The following SYNJ1 variants were observed in gnomAD, a reference collection of about 807,000 sequenced individuals.
SYNJ1 encodes synaptojanin 1, also known as polyphosphatidylinositol phosphatase SYNJ1.
In SYNJ1, 78 loss-of-function variants were observed where a neutral mutation model predicts 168.2. The ratio of observed to expected loss-of-function variants is 0.46; its 90% CI spans 0.39 to 0.56. SYNJ1 has a LOEUF of 0.56. Among genes scored for constraint, SYNJ1 ranks in the 20% least tolerant of loss-of-function variants. SYNJ1 has a pLI of 0.00. For missense variants in SYNJ1, 1,303 were observed against 1,597.6 expected, an observed-to-expected ratio of 0.82 and a Z score of 3.14; for synonymous variants, 539 against 548.6, an observed-to-expected ratio of 0.98 and a Z score of 0.24.
chr21:32,710,265 T>C (rs1331265806), intron 2 of SYNJ1, among the ~76,000 whole-genome samples: 2 of 151,988 alleles, frequency 1.3e-5, no homozygotes, highest in South Asian at 2.1e-4. Flanking sequence ...GGTAGAAATA[T>C]AGAAAAACAA....
At chr21:32,710,148 C>T (rs1013703129) in intron 2 of SYNJ1, among the ~76,000 whole-genome samples, 26 of 151,672 alleles carry the variant, frequency 1.7e-4, no homozygotes, top group Non-Finnish European at 2.2e-4. Context: ...TGCAGTGAGC[C>T]GAGATTACAT....
chr21:32,660,893 A>G (rs988892241), intron 18 of SYNJ1, among the ~76,000 whole-genome samples: 10 of 152,206 alleles, frequency 6.6e-5, no homozygotes, highest in African/African-American at 2.4e-4. Context: ...GCAGTCATGC[A>G]CTGCAGGGGA....
chr21:32,653,718 T>A (rs845002), intron 21 of SYNJ1: 119,895 of 169,582 alleles, frequency 0.71, 42,526 homozygotes, highest in Admixed American at 0.72. Flanking sequence ...AAGGAGAATA[T>A]GTTACAGGGC....
intron 2 of SYNJ1, among the ~76,000 whole-genome samples, chr21:32,717,229 G>C (rs919325386): frequency 1.1e-4 from 16 of 152,152 alleles, no homozygotes; most frequent in Non-Finnish European, 2.1e-4. Context: ...AAAGTGCTGG[G>C]ATTAACAGTG....
rs372624548 is a variant in SYNJ1 at position 32,694,216 on chromosome 21, T to C, written c.789+12A>G. ...TTCAAAAAACAAAAATAACTGAATG[T>C]CAAACACATACTTGCAACCCTGGTT... is the stretch of plus-strand genomic sequence containing the variant. On this transcript the variant is annotated intron_variant, in intron 6 of 32. Coordinates refer to ENST00000674351, the MANE Select transcript of SYNJ1 (RefSeq NM_203446.3). The C allele has an allele frequency of 4.6e-6, 7 of 1,531,134 alleles. No homozygotes were observed. The African/African-American group carries it at 8.6e-5, about 19-fold the overall frequency. The allele number at this position is 1,531,134 out of a possible 1,614,324, so 94.8% of individuals were successfully genotyped here. A position where few individuals can be genotyped will look rare whatever the true frequency, so the allele number is the denominator to read the frequency against.
chr21:32,675,421 G>T (rs192878519), intron 13 of SYNJ1, among the ~76,000 whole-genome samples: 8 of 152,090 alleles, frequency 5.3e-5, no homozygotes, highest in African/African-American at 1.9e-4. Flanking sequence ...TTTTAAAAAA[G>T]AAATGAGTCT....
Position 32,666,627 on chromosome 21 carries a change from A to AT in SYNJ1, c.1812-55dup, listed in dbSNP as rs2040945206. The stretch of plus-strand genomic sequence containing the variant: ...TTTAAAAAGGTATTGACAATAGCCT[A>AT]TTTTATGACAATTGTCAATTATACC... On this transcript the variant is annotated intron_variant, in intron 15 of 32. Coordinates refer to ENST00000674351, the MANE Select transcript of SYNJ1 (RefSeq NM_203446.3). The AT allele has an allele frequency of 3.2e-6, 5 of 1,538,966 alleles. No individual in the cohort carries two copies. The South Asian group carries it at 6.1e-5, about 19-fold the overall frequency.
At chr21:32,723,138 C>T (rs935658221) in intron 2 of SYNJ1, among the ~76,000 whole-genome samples, 4 of 152,214 alleles carry the variant, frequency 2.6e-5, no homozygotes, top group African/African-American at 7.2e-5. Flanking sequence ...ATCCTATCGA[C>T]ATAAAGACAG....
chr21:32,700,042 T>A lies in SYNJ1; in HGVS notation c.275A>T (p.Glu92Val). ...GGAAGTAACTCGGAAAACTTCAGATTCTTGAATTTTTCCAACAGACATACA... is the reference window on the plus strand; with the variant it reads ...GGAAGTAACTCGGAAAACTTCAGATACTTGAATTTTTCCAACAGACATACA... The part of the protein sequence containing the change: ...TGCMSVGKIQ[E>V]SEVFRVTSTE... Residue 92 changes from glutamate to valine, a missense_variant, in exon 4 of 33, where the codon GAA (glutamate) becomes GTA (valine). Around this residue, in one of 2 missense-constraint regions of SYNJ1, gnomAD observed 920 missense variants for 1,208.8 expected, o/e 0.76. Coordinates refer to ENST00000674351, the MANE Select transcript of SYNJ1 (RefSeq NM_203446.3). 6.2e-7 allele frequency: 1 copy of A among 1,614,180 alleles called. No homozygotes were observed. The highest frequency in any genetic ancestry group is 8.5e-7 in the Non-Finnish European group (1 of 1,180,032).
At chr21:32,668,109 G>C (rs1325716419) in intron 15 of SYNJ1, among the ~76,000 whole-genome samples, 2 of 151,382 alleles carry the variant, frequency 1.3e-5, no homozygotes, top group Non-Finnish European at 2.9e-5. Flanking sequence ...CTGTCACTCA[G>C]GCCGGAGTGC....
At chr21:32,694,959 T>TA (rs2042150748) in intron 5 of SYNJ1, 98 bp downstream of exon 5, 2 of 1,222,530 alleles carry the variant, frequency 1.6e-6, no homozygotes, top group Middle Eastern at 2.5e-4. Flanking sequence ...TTATAGATGT[T>TA]AAAATAAGCT....
At chr21:32,708,268 G>A (rs1039481271) in intron 2 of SYNJ1, among the ~76,000 whole-genome samples, 11 of 152,304 alleles carry the variant, frequency 7.2e-5, no homozygotes, top group East Asian at 1.9e-4. Context: ...AAGAATGAGC[G>A]GAAATGAAAG....
In SYNJ1 at chr21:32,694,421, C is replaced by G. The variant is rs112286365; in HGVS notation, c.706-110G>C. ...TTGCATACTAGTTACATTTTATGAT[C>G]TAACTCTCATATACAATTGTCCAAA... is the stretch of plus-strand genomic sequence containing the variant. On this transcript the variant is annotated intron_variant, in intron 5 of 32. Transcript: ENST00000674351. 656 of 786,688 alleles carry G rather than the reference C, an allele frequency of 8.3e-4. 7 individuals carry two copies. In the African/African-American group the frequency reaches 0.011, roughly 13 times the overall value. 48.7% of individuals were successfully genotyped at this position (786,688 alleles called of 1,614,324 possible).
upstream of SYNJ1, chr21:32,728,055 G>A: frequency 1.3e-6 from 2 of 1,527,046 alleles, no homozygotes; most frequent in South Asian, 1.2e-5. Flanking sequence ...CCGCGGCCGG[G>A]GGCGGAAGAT....
intron 29 of SYNJ1, among the ~76,000 whole-genome samples, chr21:32,640,462 A>AT (rs2145731803): frequency 6.6e-6 from 1 of 152,024 alleles, no homozygotes; most frequent in African/African-American, 2.4e-5. Context: ...CACGCGGCTA[A>AT]TTTTTTGTAT....
intron 18 of SYNJ1, among the ~76,000 whole-genome samples, chr21:32,664,327 T>C (rs2145910375): frequency 6.6e-6 from 1 of 152,268 alleles, no homozygotes; most frequent in Non-Finnish European, 1.5e-5. Context: ...CCACCCCTCA[T>C]ATTGTCTTAT....
chr21:32,720,057 T>C (rs1031315871), intron 2 of SYNJ1, among the ~76,000 whole-genome samples: 3 of 152,054 alleles, frequency 2.0e-5, no homozygotes, highest in Admixed American at 6.5e-5. Flanking sequence ...CTGACCAACA[T>C]GGAGAAACCC....
In SYNJ1 at chr21:32,639,059, G is replaced by T; in HGVS notation, c.3764C>A (p.Pro1255Gln). 6.2e-7 allele frequency: 1 copy of T among 1,614,074 alleles called. No homozygotes were observed. The highest frequency in any genetic ancestry group is 8.5e-7 in the Non-Finnish European group (1 of 1,179,982). Residue 1255 changes from proline to glutamine, a missense_variant, in exon 31 of 33, where the codon CCG becomes CAG. By Grantham distance (76) the Pro-to-Gln change is moderately conservative. Coordinates refer to ENST00000674351, the MANE Select transcript of SYNJ1 (RefSeq NM_203446.3). ...AGGCTCTTGCAACCTTTGAGCAGGC[G>T]GGGGCAAAGAAGACTGCGGAGGAAA... ...AAFPPQSSLP[P>Q]PAQRLQEPLV...
At chr21:32,707,872 G>A (rs2042672513) in intron 2 of SYNJ1, among the ~76,000 whole-genome samples, 1 of 152,068 alleles carries the variant, frequency 6.6e-6, no homozygotes, top group Non-Finnish European at 1.5e-5. Flanking sequence ...CAAAAATTAG[G>A]TGGGCGTGAT....
Sources: gnomAD v4.1 joint callset for allele counts (sites outside exome capture counted in the v4.1 genomes callset) on GRCh38, gnomAD v4.1.1 for gene constraint, gnomAD v4.1.1 regional missense constraint, MANE v1.5 for transcripts, NCBI Gene and HGNC (gene_info 2026-07-23, HGNC 2026-07-21) for gene names.